Variants in CPAP observed in about 807,000 individuals in gnomAD.
CPAP encodes the protein centrosomal P4.1-associated protein.
At chr13:24,896,495 T>G in the CPAP span, among the ~76,000 whole-genome samples, 2 of 152,224 alleles carry the variant, frequency 1.3e-5, no homozygotes, top group Admixed American at 1.3e-4. Context: ...CTCTAATTAA[T>G]TTAAATGGAA....
chr13:24,930,568 G>T, the CPAP span, among the ~76,000 whole-genome samples: 1 of 152,142 alleles, frequency 6.6e-6, no homozygotes, highest in East Asian at 1.9e-4. Flanking sequence ...GCAGTATTTG[G>T]TTTTTCTGTT....
chr13:24,911,690 C>T, the CPAP span, among the ~76,000 whole-genome samples: 1 of 150,800 alleles, frequency 6.6e-6, no homozygotes, highest in Non-Finnish European at 1.5e-5. Context: ...GCATGGACCA[C>T]CACACCCAGC....
At chr13:24,902,483 T>C in the CPAP span, among the ~76,000 whole-genome samples, 1 of 152,190 alleles carries the variant, frequency 6.6e-6, no homozygotes, top group Non-Finnish European at 1.5e-5. Context: ...TAACAAATTT[T>C]CAGAATTTGA....
the CPAP span, among the ~76,000 whole-genome samples, chr13:24,930,175 G>A: frequency 6.6e-6 from 1 of 151,744 alleles, no homozygotes; most frequent in African/African-American, 2.4e-5. Context: ...AAGATGGTAG[G>A]TTTACAGGCA....
chr13:24,896,370 G>C, the CPAP span, among the ~76,000 whole-genome samples: 2 of 152,224 alleles, frequency 1.3e-5, no homozygotes, highest in Non-Finnish European at 2.9e-5. Context: ...CCAGCAGTGA[G>C]GATGTGCCCA....
At chr13:24,921,860 T>G in the CPAP span, among the ~76,000 whole-genome samples, 476 of 152,268 alleles carry the variant, frequency 3.1e-3, 6 homozygotes, top group African/African-American at 0.011. Context: ...ATACCTTCAA[T>G]TTCATGACCG....
At chr13:24,906,029 T>C in the CPAP span, 1 of 1,614,194 alleles carries the variant, frequency 6.2e-7, no homozygotes, top group Non-Finnish European at 8.5e-7. Context: ...TTTACAAGGC[T>C]GTTCCCTCAA....
At chr13:24,899,060 GCC>G in the CPAP span, among the ~76,000 whole-genome samples, 2 of 152,176 alleles carry the variant, frequency 1.3e-5, no homozygotes, top group Admixed American at 6.5e-5. Flanking sequence ...GTTATTTACA[GCC>G]ATAAATTATG....
chr13:24,918,206 GGAAAA>G, the CPAP span, among the ~76,000 whole-genome samples: 1 of 152,058 alleles, frequency 6.6e-6, no homozygotes, highest in South Asian at 2.1e-4. Flanking sequence ...GAACAGTGAA[GGAAAA>G]AAGACTGGAA....
At chr13:24,891,309 GC>G in the CPAP span, among the ~76,000 whole-genome samples, 1 of 151,844 alleles carries the variant, frequency 6.6e-6, no homozygotes, top group African/African-American at 2.4e-5. Flanking sequence ...GCCTCTCCCT[GC>G]CCAGTGCTGT....
chr13:24,897,857 G>A, the CPAP span, among the ~76,000 whole-genome samples: 13 of 152,138 alleles, frequency 8.5e-5, no homozygotes, highest in African/African-American at 2.9e-4. Flanking sequence ...TGATACTAAG[G>A]AATTACTGTA....
chr13:24,889,523 C>G, the CPAP span: 64 of 723,072 alleles, frequency 8.9e-5, no homozygotes, highest in African/African-American at 9.6e-4. Flanking sequence ...ATATTGTTTT[C>G]ATTTATACAA....
the CPAP span, among the ~76,000 whole-genome samples, chr13:24,931,758 G>A: frequency 4.6e-5 from 7 of 152,178 alleles, no homozygotes; most frequent in African/African-American, 1.7e-4. Context: ...AAGTCTTAAA[G>A]TAAATTTATT....
the CPAP span, among the ~76,000 whole-genome samples, chr13:24,916,361 C>T: frequency 1.3e-5 from 2 of 151,924 alleles, no homozygotes; most frequent in Admixed American, 6.6e-5. Flanking sequence ...GAGGCAAACA[C>T]GTATGTCATT....
At chr13:24,903,108 T>C in the CPAP span, among the ~76,000 whole-genome samples, 7 of 152,130 alleles carry the variant, frequency 4.6e-5, no homozygotes, top group South Asian at 2.1e-4. Flanking sequence ...ATATAACATA[T>C]ATAAATAGCC....
At chr13:24,920,137 G>A in the CPAP span, among the ~76,000 whole-genome samples, 47 of 152,230 alleles carry the variant, frequency 3.1e-4, no homozygotes, top group Non-Finnish European at 6.0e-4. Flanking sequence ...AATTTAATGG[G>A]ATTTTACAAC....
At chr13:24,905,512 A>AAC in the CPAP span, 54 of 1,614,030 alleles carry the variant, frequency 3.3e-5, no homozygotes, top group Non-Finnish European at 4.5e-5. Flanking sequence ...TGACTGGTGC[A>AAC]ATCTTCCTTT....
the CPAP span, among the ~76,000 whole-genome samples, chr13:24,913,910 GA>G: frequency 4.6e-5 from 7 of 152,314 alleles, no homozygotes; most frequent in East Asian, 1.4e-3. Flanking sequence ...GGACATAACA[GA>G]GAAGATAAGC....
chr13:24,899,628 G>T, the CPAP span: 2 of 1,468,370 alleles, frequency 1.4e-6, no homozygotes, highest in South Asian at 2.3e-5. Context: ...GACCATCTCA[G>T]TGCAGTGATG....
Sources: allele counts gnomAD v4.1 joint callset (sites outside exome capture counted in the v4.1 genomes callset), GRCh38; gene constraint gnomAD v4.1.1; transcripts MANE v1.5; gene names NCBI Gene and HGNC (gene_info 2026-07-23, HGNC 2026-07-21).